Variants in ZBTB9 observed in about 807,000 individuals in gnomAD.
The protein encoded by ZBTB9 is zinc finger and BTB domain containing 9.
ZBTB9 carries 17 observed loss-of-function variants against 26.3 expected under a neutral mutation model. The observed-to-expected ratio is 0.65, with a 90% CI of 0.44 to 0.97. ZBTB9 has a LOEUF of 0.97. Among genes scored for constraint, ZBTB9 ranks in the 50% least tolerant of loss-of-function variants. The pLI is 0.00. For missense variants in ZBTB9, 510 were observed against 594.2 expected (o/e 0.86, Z 1.47); for synonymous variants, 226 against 234.3 (o/e 0.96, Z 0.32).
Position 33,457,102 on chromosome 6 carries a change from A to G in ZBTB9, c.*580A>G, listed in dbSNP as rs1761499642. 1.2e-5 allele frequency: 2 copies of G among 167,178 alleles called. 1 individual carries two copies. Among genetic ancestry groups the G allele is most frequent in the Non-Finnish European group, 2.9e-5 (2 of 68,236 alleles). 10.4% of individuals were successfully genotyped at this position (167,178 alleles called of 1,614,324 possible). Reference sequence around the variant, plus strand: ...TCTCACCAATAGACACCTTCCCGACACTTTTTTAATGTTGTAGCTGAGCAC... The same window carrying G: ...TCTCACCAATAGACACCTTCCCGACGCTTTTTTAATGTTGTAGCTGAGCAC... On this transcript the variant is annotated 3_prime_UTR_variant, in exon 2 of 2. Transcript: ENST00000395064.
upstream of ZBTB9, chr6:33,454,524 G>C (rs1761437234): frequency 6.4e-6 from 1 of 155,882 alleles, no homozygotes; most frequent in Non-Finnish European, 1.4e-5. Context: ...GATTGGCTAC[G>C]GCTCTAGCTC....
At position 33,456,002 on chromosome 6, in the gene ZBTB9, C is replaced by T. The variant is rs771333593; in HGVS notation, c.902C>T (p.Thr301Ile). 2.2e-5 allele frequency: 36 copies of T among 1,613,914 alleles called. No individual in the cohort carries two copies. In the East Asian group the frequency reaches 6.9e-4, roughly 31 times the overall value. Residue 301 changes from threonine (T) to isoleucine (I), a missense_variant, in exon 2 of 2, where the codon ACT (threonine) becomes ATT (isoleucine). By Grantham distance (89) the Thr-to-Ile change is moderately conservative (BLOSUM62 -1). Transcript: ENST00000395064. This position sits in a 1 kb window ranked among gnomAD's most constrained non-coding sequence, Gnocchi z 5.1. Reference sequence around the variant, plus strand: ...AAGGAGGAGATATCAGGAAGCGGAACTCAGCCTGGAGGAGCAAAGGAGGAA... The same window carrying T: ...AAGGAGGAGATATCAGGAAGCGGAATTCAGCCTGGAGGAGCAAAGGAGGAA... ...EPKEEISGSGTQPGGAKEETK... is the reference protein window; with the variant it reads ...EPKEEISGSGIQPGGAKEETK...
In ZBTB9 at chr6:33,455,628, C is replaced by T; in HGVS notation, c.528C>T (p.Phe176=). The T allele has an allele frequency of 6.2e-7, 1 of 1,614,056 alleles. No homozygotes were observed. The highest frequency in any genetic ancestry group is 8.5e-7 in the Non-Finnish European group (1 of 1,179,926). ...GCTGGTGCATTCGCTCTTCGCCTTT[C>T]CAGACCCCAGTACAGTCCTCTGCTT... The part of the protein sequence containing the change: ...TGGWCIRSSP[F]QTPVQSSAST... The change falls in exon 2 of 2, where the codon TTC becomes TTT. Residue 176 remains phenylalanine, a synonymous_variant. Coordinates refer to ENST00000395064, the MANE Select transcript of ZBTB9 (RefSeq NM_152735.4).
In ZBTB9 at chr6:33,456,126, C is replaced by T. The variant is rs1277926528; in HGVS notation, c.1026C>T (p.Ser342=). ...CAACATCTGGGGGAGGGGGTCCATC[C>T]TGGAAACCAGTGGATCTTCATGGGA... The part of the protein sequence containing the change: ...PGPTSGGGGP[S]WKPVDLHGNE... Residue 342 remains serine, a synonymous_variant, in exon 2 of 2, where the codon TCC becomes TCT. Coordinates refer to ENST00000395064, the MANE Select transcript of ZBTB9 (RefSeq NM_152735.4). This position sits in a 1 kb window ranked among gnomAD's most constrained non-coding sequence, Gnocchi z 5.1. 12 of 1,612,224 alleles carry T rather than the reference C, an allele frequency of 7.4e-6. No homozygotes were observed. Among genetic ancestry groups the T allele is most frequent in the South Asian group, 2.2e-5 (2 of 90,906 alleles).
Position 33,455,216 on chromosome 6 carries a change from A to T in ZBTB9, c.116A>T (p.Asn39Ile). 1 of 1,614,082 alleles carries T rather than the reference A, an allele frequency of 6.2e-7. No individual in the cohort carries two copies. Among genetic ancestry groups the T allele is most frequent in the Non-Finnish European group, 8.5e-7 (1 of 1,180,028 alleles). Residue 39 changes from asparagine to isoleucine, a missense_variant, in exon 2 of 2, where the codon AAC becomes ATC. Coordinates refer to ENST00000395064, the MANE Select transcript of ZBTB9 (RefSeq NM_152735.4). ...AGCTCGTCTCTGCTGGAATCTCTGA[A>T]CCGCCACAGGCTAGAGGGAAAGTTC... is the stretch of plus-strand genomic sequence containing the variant. ...QHSSSLLESL[N>I]RHRLEGKFCD...
chr6:33,454,848 G>A (rs902170195), intron 1 of ZBTB9, 73 bp downstream of exon 1: 3 of 531,482 alleles, frequency 5.6e-6, no homozygotes, highest in Admixed American at 7.4e-5. Flanking sequence ...ACCCCTGTTG[G>A]TGTTTAGTGG....
rs1761501572 is a variant in ZBTB9 at position 33,457,278 on chromosome 6, G to C, written c.*756G>C. The C allele has an allele frequency of 1.8e-5, 3 of 167,058 alleles. No homozygotes were observed. Among genetic ancestry groups the C allele is most frequent in the Non-Finnish European group, 2.9e-5 (2 of 68,138 alleles). 10.3% of individuals were successfully genotyped at this position (167,058 alleles called of 1,614,324 possible). A position where few individuals can be genotyped will look rare whatever the true frequency, so the allele number is the denominator to read the frequency against. On this transcript the variant is annotated 3_prime_UTR_variant, in exon 2 of 2. Coordinates refer to ENST00000395064, the MANE Select transcript of ZBTB9 (RefSeq NM_152735.4). Reference sequence around the variant, plus strand: ...ACTGGAATGTGACTAGTGATCTCAGGAGATGGCACTGTCCTAAAGTGCTGT... The same window carrying C: ...ACTGGAATGTGACTAGTGATCTCAGCAGATGGCACTGTCCTAAAGTGCTGT...
Position 33,455,722 on chromosome 6 carries a change from C to A in ZBTB9, c.622C>A (p.Gln208Lys). ...GGGAAGTGAACTGGGAGAAGTGCTG[C>A]AAATTCAGGTGGAAGAAGAAGAGGA... ...GEGSELGEVL[Q>K]IQVEEEEEEE... is the part of the protein sequence containing the mutation. The change falls in exon 2 of 2, where the codon CAA becomes AAA. Residue 208 changes from glutamine to lysine, a missense_variant. By Grantham distance (53) the Gln-to-Lys change is moderately conservative. Coordinates refer to ENST00000395064, the MANE Select transcript of ZBTB9 (RefSeq NM_152735.4). 5.6e-6 allele frequency: 9 copies of A among 1,614,046 alleles called. No homozygotes were observed. The highest frequency in any genetic ancestry group is 6.8e-6 in the Non-Finnish European group (8 of 1,179,984).
chr6:33,454,189 T>G (rs1006907986), upstream of ZBTB9: 1 of 151,634 alleles, frequency 6.6e-6, no homozygotes, highest in East Asian at 1.9e-4. Context: ...GCAGGGCCGG[T>G]GGGAAGACAC....
In ZBTB9 at chr6:33,456,083, T is replaced by A. The variant is rs752729505; in HGVS notation, c.983T>A (p.Leu328Ter). ...GGGAATGGGGAGCTAGGGTTCTTGT[T>A]GCCTTCAGGGCCAGGGCCAACATCT... ...TEGNGELGFL[L>*]PSGPGPTSGG... The change falls in exon 2 of 2, where the codon TTG becomes TAG. Residue 328 changes from leucine (L) to a stop codon, truncating the protein, a stop_gained. Coordinates refer to ENST00000395064, the MANE Select transcript of ZBTB9 (RefSeq NM_152735.4). LOFTEE classifies it high-confidence loss of function. This position sits in a 1 kb window ranked among gnomAD's most constrained non-coding sequence, Gnocchi z 5.1. The A allele has an allele frequency of 3.7e-6, 6 of 1,613,956 alleles. No homozygotes were observed. The highest frequency in any genetic ancestry group is 5.1e-6 in the Non-Finnish European group (6 of 1,179,990).
Position 33,455,811 on chromosome 6 carries a change from C to T in ZBTB9, c.711C>T (p.Pro237=), listed in dbSNP as rs749424719. 6.2e-7 allele frequency: 1 copy of T among 1,610,978 alleles called. No individual in the cohort carries two copies. The highest frequency in any genetic ancestry group is 8.5e-7 in the Non-Finnish European group (1 of 1,178,280). The change falls in exon 2 of 2, where the codon CCC becomes CCT. Residue 237 remains proline (P), a synonymous_variant. Coordinates refer to ENST00000395064, the MANE Select transcript of ZBTB9 (RefSeq NM_152735.4). ...GSATLSQTPQ[P]QRVSGVFPRP... ...CCACACTCTCTCAGACTCCTCAGCC[C>T]CAGAGAGTATCAGGGGTTTTTCCCC...
chr6:33,455,385 C>T lies in ZBTB9; in HGVS notation c.285C>T (p.Ala95=), dbSNP rs1250280513. The part of the protein sequence containing the change: ...LTLPSVIEAD[A]FEGLLQLIYS... ...TACCGAGTGTCATTGAAGCCGATGC[C>T]TTCGAGGGGCTGCTCCAGCTCATTT... The change falls in exon 2 of 2, where the codon GCC becomes GCT. Residue 95 remains alanine, a synonymous_variant. Coordinates refer to ENST00000395064, the MANE Select transcript of ZBTB9 (RefSeq NM_152735.4). 3.1e-6 allele frequency: 5 copies of T among 1,614,112 alleles called. No homozygotes were observed. Among genetic ancestry groups the T allele is most frequent in the Non-Finnish European group, 4.2e-6 (5 of 1,180,016 alleles).
In ZBTB9 at chr6:33,455,978, A is replaced by C. The variant is rs1761480033; in HGVS notation, c.878A>C (p.Lys293Thr). The C allele has an allele frequency of 7.4e-6, 12 of 1,613,926 alleles. No individual in the cohort carries two copies. The highest frequency in any genetic ancestry group is 1.0e-5 in the Non-Finnish European group (12 of 1,179,918). ...FYIKQEPFEP[K>T]EEISGSGTQP... ...ATTAAGCAGGAACCCTTCGAGCCTA[A>C]GGAGGAGATATCAGGAAGCGGAACT... The change falls in exon 2 of 2, where the codon AAG becomes ACG. Residue 293 changes from lysine to threonine, a missense_variant. By Grantham distance (78) the Lys-to-Thr change is moderately conservative (BLOSUM62 -1). Coordinates refer to ENST00000395064, the MANE Select transcript of ZBTB9 (RefSeq NM_152735.4).
In ZBTB9 at chr6:33,455,280, G is replaced by A. The variant is rs1187944557; in HGVS notation, c.180G>A (p.Arg60=). ...TCCTGGTGCAGGGCCGGGAACTTAGGGCTCATAAAGCAGTGTTAGCTGCTG... is the reference window on the plus strand; with the variant it reads ...TCCTGGTGCAGGGCCGGGAACTTAGAGCTCATAAAGCAGTGTTAGCTGCTG... ...VSLLVQGREL[R]AHKAVLAAAS... is the part of the protein sequence containing the mutation. The change falls in exon 2 of 2, where the codon AGG becomes AGA. Residue 60 remains arginine, a synonymous_variant. Coordinates refer to ENST00000395064, the MANE Select transcript of ZBTB9 (RefSeq NM_152735.4). 1 of 1,614,056 alleles carries A rather than the reference G, an allele frequency of 6.2e-7. No homozygotes were observed. The highest frequency in any genetic ancestry group is 8.5e-7 in the Non-Finnish European group (1 of 1,180,052).
rs1761474672 is a variant in ZBTB9, at chr6:33,455,797, C to G, written c.697C>G (p.Gln233Glu). 3 of 1,611,194 alleles carry G rather than the reference C, an allele frequency of 1.9e-6. No individual in the cohort carries two copies. Among genetic ancestry groups the G allele is most frequent in the Non-Finnish European group, 2.5e-6 (3 of 1,178,388 alleles). ...DEDQGSATLS[Q>E]TPQPQRVSGV... The stretch of plus-strand genomic sequence containing the variant: ...GGACCAGGGGTCAGCCACACTCTCT[C>G]AGACTCCTCAGCCCCAGAGAGTATC... The change falls in exon 2 of 2, where the codon CAG becomes GAG. Residue 233 changes from glutamine to glutamate, a missense_variant. Gln to Glu is a conservative substitution (Grantham distance 29, BLOSUM62 2). Around this residue, in one of 2 missense-constraint regions of ZBTB9, gnomAD observed 439 missense variants for 460.4 expected, o/e 0.95. Transcript: ENST00000395064.
upstream of ZBTB9, chr6:33,453,463 C>T (rs1316544501): frequency 7.4e-6 from 1 of 135,562 alleles, no homozygotes; most frequent in Non-Finnish European, 1.6e-5. Flanking sequence ...GGCCCCCTCC[C>T]CCCCCGCCCC....
chr6:33,456,464 G>A lies in ZBTB9; in HGVS notation c.1364G>A (p.Arg455His). 2 of 1,613,824 alleles carry A rather than the reference G, an allele frequency of 1.2e-6. No homozygotes were observed. The highest frequency in any genetic ancestry group is 1.7e-6 in the Non-Finnish European group (2 of 1,179,898). ...TTCCGAGTCCATGCCTGTTTTCTCC[G>A]CCACCGGGACCTATGCAAGGGCCAG... The part of the protein sequence containing the change: ...RRFRVHACFL[R>H]HRDLCKGQGW... Residue 455 changes from arginine (R) to histidine (H), a missense_variant, in exon 2 of 2, where the codon CGC becomes CAC. Physicochemically the swap from Arg to His is conservative, Grantham distance 29 (BLOSUM62 0). Transcript: ENST00000395064. The surrounding 1 kb of genome is among the most constrained non-coding windows in gnomAD (Gnocchi z 5.1).
chr6:33,455,044 G>T lies in ZBTB9; in HGVS notation c.-57G>T. The T allele has an allele frequency of 6.6e-7, 1 of 1,525,642 alleles. No individual in the cohort carries two copies. The highest frequency in any genetic ancestry group is 2.2e-5 in the Admixed American group (1 of 46,268). 94.5% of individuals were successfully genotyped at this position (1,525,642 alleles called of 1,614,324 possible). A position where few individuals can be genotyped will look rare whatever the true frequency, so the allele number is the denominator to read the frequency against. On this transcript the variant is annotated 5_prime_UTR_variant, in exon 2 of 2. Transcript: ENST00000395064. ...TTCCTCTGCAGCCTTCATCCCGCGTGGAGTCTACCCCCAAGCCCTTCTCCT... is the reference window on the plus strand; with the variant it reads ...TTCCTCTGCAGCCTTCATCCCGCGTTGAGTCTACCCCCAAGCCCTTCTCCT...
At position 33,456,151 on chromosome 6, in the gene ZBTB9, A is replaced by G. The variant is rs1182217535; in HGVS notation, c.1051A>G (p.Asn351Asp). Residue 351 changes from asparagine to aspartate, a missense_variant, in exon 2 of 2, where the codon AAT becomes GAT. Transcript: ENST00000395064. This position sits in a 1 kb window ranked among gnomAD's most constrained non-coding sequence, Gnocchi z 5.1. Reference protein sequence around the residue: ...PSWKPVDLHGNEILSGGGGPG... With the variant: ...PSWKPVDLHGDEILSGGGGPG... ...CTGGAAACCAGTGGATCTTCATGGGAATGAAATCCTGTCAGGGGGTGGAGG... is the reference window on the plus strand; with the variant it reads ...CTGGAAACCAGTGGATCTTCATGGGGATGAAATCCTGTCAGGGGGTGGAGG... 6.2e-7 allele frequency: 1 copy of G among 1,610,322 alleles called. No homozygotes were observed. Among genetic ancestry groups the G allele is most frequent in the Admixed American group, 1.7e-5 (1 of 59,770 alleles).
Sources: gnomAD v4.1 joint callset for allele counts on GRCh38, gnomAD v4.1.1 for gene constraint, gnomAD v4.1.1 regional missense constraint, Gnocchi (gnomAD v3.1) non-coding constraint, MANE v1.5 for transcripts, NCBI Gene and HGNC (gene_info 2026-07-23, HGNC 2026-07-21) for gene names.